Variants in LAMA2 observed in about 807,000 individuals in gnomAD.
LAMA2 encodes the protein laminin subunit alpha-2.
A neutral mutation model predicts 364.8 loss-of-function variants in LAMA2; 269 were observed. The observed-to-expected ratio is 0.74, with a 90% CI of 0.67 to 0.82. LAMA2 has a LOEUF of 0.82. Ranked by LOEUF, LAMA2 falls within the 40% of genes least tolerant of loss-of-function variation. The pLI is 0.00. For synonymous variants in LAMA2, 1,379 were observed against 1,370.6 expected, an observed-to-expected ratio of 1.01 and a Z score of -0.14; for missense variants, 3,807 against 3,873.2, an observed-to-expected ratio of 0.98 and a Z score of 0.45.
intron 1 of LAMA2, among the ~76,000 whole-genome samples, chr6:128,934,104 G>T (rs1384189557): frequency 6.6e-6 from 1 of 152,094 alleles, no homozygotes; most frequent in African/African-American, 2.4e-5. Context: ...ATTTTCAGTT[G>T]ATTTTTGTAT....
Position 129,260,796 on chromosome 6 carries a change from C to G in LAMA2, c.2182C>G (p.Pro728Ala), listed in dbSNP as rs1231302158. 2 of 1,608,084 alleles carry G rather than the reference C, an allele frequency of 1.2e-6. No individual in the cohort carries two copies. The highest frequency in any genetic ancestry group is 1.7e-6 in the Non-Finnish European group (2 of 1,174,684). Residue 728 changes from proline to alanine, a missense_variant, in exon 15 of 65, where the codon CCA becomes GCA. By Grantham distance (27) the Pro-to-Ala change is conservative. This residue lies in a region of LAMA2 where 3,333 missense variants were observed against 3,345.7 expected (regional missense o/e 1.00). Transcript: ENST00000421865. ...AGCTGTAGAAGTGTGTCAGTGCCCA[C>G]CAGGGTATACTGGCTCCTCTTGTGA... The part of the protein sequence containing the change: ...AAAVEVCQCP[P>A]GYTGSSCESC...
intron 1 of LAMA2, among the ~76,000 whole-genome samples, chr6:129,030,978 T>A (rs1357272479): frequency 6.6e-6 from 1 of 152,180 alleles, no homozygotes; most frequent in Non-Finnish European, 1.5e-5. Context: ...CAAAAACTCA[T>A]AATATCTGAG....
At chr6:129,202,198 A>C (rs1782340417) in intron 12 of LAMA2, among the ~76,000 whole-genome samples, 1 of 150,824 alleles carries the variant, frequency 6.6e-6, no homozygotes, top group African/African-American at 2.4e-5. Context: ...AAAAAAAAAA[A>C]AAAAAAAAAA....
chr6:129,429,878 T>C (rs984265894), intron 41 of LAMA2, among the ~76,000 whole-genome samples: 1 of 152,250 alleles, frequency 6.6e-6, no homozygotes, highest in Admixed American at 6.5e-5. Context: ...GAAAGAATTT[T>C]ATTTTCAGCC....
At chr6:129,242,326 G>A (rs900747856) in intron 12 of LAMA2, among the ~76,000 whole-genome samples, 2 of 151,982 alleles carry the variant, frequency 1.3e-5, no homozygotes, top group African/African-American at 4.8e-5. Context: ...ATATCTCTTT[G>A]TTACATAAAT....
chr6:129,397,003 AAG>A (rs1583654085), intron 37 of LAMA2, among the ~76,000 whole-genome samples: 1 of 151,012 alleles, frequency 6.6e-6, no homozygotes, highest in Non-Finnish European at 1.5e-5. Context: ...AAAAAAAAAA[AAG>A]AAAAAGAAAA....
intron 1 of LAMA2, among the ~76,000 whole-genome samples, chr6:128,940,268 C>G (rs544547835): frequency 6.6e-6 from 1 of 152,170 alleles, no homozygotes; most frequent in East Asian, 1.9e-4. Context: ...GACTGTCTCC[C>G]TAGACCACCA....
chr6:129,393,650 A>G (rs1779448854), intron 37 of LAMA2, among the ~76,000 whole-genome samples: 1 of 152,222 alleles, frequency 6.6e-6, no homozygotes, highest in Non-Finnish European at 1.5e-5. Context: ...CAATAAGTGC[A>G]TTATACTATA....
At chr6:129,239,754 A>C (rs1583318532) in intron 12 of LAMA2, among the ~76,000 whole-genome samples, 3 of 152,124 alleles carry the variant, frequency 2.0e-5, no homozygotes, top group Admixed American at 6.5e-5. Flanking sequence ...GGGCTCAAGC[A>C]ATCCTCCTGC....
intron 21 of LAMA2, 108 bp downstream of exon 21, chr6:129,297,973 T>A: frequency 1.1e-6 from 1 of 921,580 alleles, no homozygotes; most frequent in Non-Finnish European, 1.7e-6. Context: ...ACAACGTATT[T>A]AACATAATGA....
intron 22 of LAMA2, among the ~76,000 whole-genome samples, chr6:129,303,434 C>A (rs1773671839): frequency 6.6e-6 from 1 of 151,998 alleles, no homozygotes; most frequent in Admixed American, 6.6e-5. Flanking sequence ...TTTTCTTGTC[C>A]TATTGTAGTA....
intron 3 of LAMA2, among the ~76,000 whole-genome samples, chr6:129,090,423 C>A (rs1237804484): frequency 6.6e-6 from 1 of 152,154 alleles, no homozygotes; most frequent in Non-Finnish European, 1.5e-5. Context: ...TTAATATTAA[C>A]AAATATTTAC....
At chr6:129,185,339 C>T (rs887557962) in intron 10 of LAMA2, among the ~76,000 whole-genome samples, 1 of 151,666 alleles carries the variant, frequency 6.6e-6, no homozygotes. Context: ...TTGATGTCAA[C>T]ACAATAGTAT....
chr6:129,386,837 C>T (rs1779044144), intron 35 of LAMA2, among the ~76,000 whole-genome samples: 1 of 151,890 alleles, frequency 6.6e-6, no homozygotes, highest in South Asian at 2.1e-4. Flanking sequence ...TCATTTAATC[C>T]AAAAAGATAC....
intron 30 of LAMA2, among the ~76,000 whole-genome samples, chr6:129,342,747 C>T (rs1776339572): frequency 6.6e-6 from 1 of 151,840 alleles, no homozygotes; most frequent in Non-Finnish European, 1.5e-5. Context: ...TATATATATA[C>T]AAATATGCAT....
intron 18 of LAMA2, among the ~76,000 whole-genome samples, chr6:129,285,992 T>C (rs1436740314): frequency 6.6e-6 from 1 of 152,140 alleles, no homozygotes; most frequent in Admixed American, 6.6e-5. Context: ...ATACATTTTC[T>C]AGAAAACTTA....
In LAMA2 at chr6:129,183,581, C is replaced by G. The variant is rs1156869326; in HGVS notation, c.1467+5715C>G. On this transcript the variant is annotated intron_variant, in intron 10 of 64. Coordinates refer to ENST00000421865, the MANE Select transcript of LAMA2 (RefSeq NM_000426.4). ...AGCTTTGCTTAAATTTCTTGAGTCTCTTAGTTGTTTGTAGCATCTGGAATT... is the reference window on the plus strand; with the variant it reads ...AGCTTTGCTTAAATTTCTTGAGTCTGTTAGTTGTTTGTAGCATCTGGAATT... 4.6e-5 allele frequency among the ~76,000 whole-genome samples: 7 copies of G among 151,898 alleles called. No homozygotes were observed. The East Asian group carries it at 1.2e-3, about 25-fold the overall frequency.
At chr6:129,234,385 C>G (rs1784856227) in intron 12 of LAMA2, among the ~76,000 whole-genome samples, 1 of 151,896 alleles carries the variant, frequency 6.6e-6, no homozygotes, top group African/African-American at 2.4e-5. Flanking sequence ...ATATAGAAGC[C>G]CCTCAGAGGG....
Position 128,989,706 on chromosome 6 carries a change from C to T in LAMA2, c.113-60212C>T, listed in dbSNP as rs148020848. ...TTTGTAGATAATTTGCTGAATAGAA[C>T]TAAGAATAGTTATAAATATTGGGTT... On this transcript the variant is annotated intron_variant, in intron 1 of 64. Transcript: ENST00000421865. Among the ~76,000 whole-genome samples, 574 of 152,234 alleles carry T rather than the reference C, an allele frequency of 3.8e-3. 2 individuals carry two copies. The highest frequency in any genetic ancestry group is 0.011 in the African/African-American group (456 of 41,534).
Sources: gnomAD v4.1 joint callset for allele counts (sites outside exome capture counted in the v4.1 genomes callset) on GRCh38, gnomAD v4.1.1 for gene constraint, gnomAD v4.1.1 regional missense constraint, MANE v1.5 for transcripts, NCBI Gene and HGNC (gene_info 2026-07-23, HGNC 2026-07-21) for gene names.